XPOT: variants seen among roughly 807,000 people sequenced by gnomAD.
XPOT encodes exportin-T.
A neutral mutation model predicts 128.2 loss-of-function variants in XPOT; 34 were observed. The ratio of observed to expected loss-of-function variants is 0.27; its 90% CI spans 0.20 to 0.35. The LOEUF (loss-of-function observed/expected upper bound fraction) is 0.35, where lower values mean the gene tolerates loss of function less well. Ranked by LOEUF, XPOT falls within the 10% of genes least tolerant of loss-of-function variation. The pLI is 1.00. For synonymous variants in XPOT, 348 were observed against 394.3 expected, an observed-to-expected ratio of 0.88 and a Z score of 1.39; for missense variants, 838 against 1,125.3, an observed-to-expected ratio of 0.74 and a Z score of 3.65.
chr12:64,432,792 T>C (rs1036055322), intron 18 of XPOT, among the ~76,000 whole-genome samples: 6 of 152,226 alleles, frequency 3.9e-5, no homozygotes, highest in African/African-American at 9.6e-5. Flanking sequence ...AAGAGTTTAA[T>C]CATATAATTC....
In XPOT at chr12:64,404,409, TGGCGCCGGCGCCCGCCCGCGC is replaced by T. The variant is rs960665182; in HGVS notation, c.-466_-446del. The T allele has an allele frequency of 2.0e-5, 3 of 151,870 alleles. No individual in the cohort carries two copies. The highest frequency in any genetic ancestry group is 7.3e-5 in the African/African-American group (3 of 41,236). 9.4% of individuals were successfully genotyped at this position (151,870 alleles called of 1,614,324 possible). On this transcript the variant is annotated 5_prime_UTR_variant, in exon 1 of 25. Transcript: ENST00000332707. The stretch of plus-strand genomic sequence containing the variant: ...CCGCCCGCACTCTCCAAGAGACTGC[TGGCGCCGGCGCCCGCCCGCGC>T]GGCACCGACGCGGGGAGCGCGCTTC...
At chr12:64,431,957 A>G (rs1244368176) in intron 18 of XPOT, 134 bp downstream of exon 18, 1 of 868,798 alleles carries the variant, frequency 1.2e-6, no homozygotes, top group African/African-American at 1.7e-5. Flanking sequence ...CATGGATCAT[A>G]TGTATTTTTA....
At position 64,420,230 on chromosome 12, in the gene XPOT, A is replaced by T; in HGVS notation, c.650A>T (p.Asp217Val). ...EVVGAYVSWI[D>V]LSLIANDRFI... ...GTTGGGGCTTATGTCTCTTGGATAGACTTATCCCTTATAGCCAATGATAGG... is the reference window on the plus strand; with the variant it reads ...GTTGGGGCTTATGTCTCTTGGATAGTCTTATCCCTTATAGCCAATGATAGG... The change falls in exon 7 of 25, where the codon GAC becomes GTC. Residue 217 changes from aspartate (D) to valine (V), a missense_variant. By Grantham distance (152) the Asp-to-Val change is radical. This residue lies in a region of XPOT where 761 missense variants were observed against 988.3 expected (regional missense o/e 0.77). Transcript: ENST00000332707. The T allele has an allele frequency of 6.2e-7, 1 of 1,603,138 alleles. No individual in the cohort carries two copies. Among genetic ancestry groups the T allele is most frequent in the African/African-American group, 1.3e-5 (1 of 74,398 alleles).
intron 9 of XPOT, among the ~76,000 whole-genome samples, chr12:64,422,227 G>A (rs910340758): frequency 1.3e-5 from 2 of 152,180 alleles, no homozygotes; most frequent in African/African-American, 4.8e-5. Flanking sequence ...TATGATATTA[G>A]ATGAAAGCCA....
At position 64,418,118 on chromosome 12, in the gene XPOT, A is replaced by T; in HGVS notation, c.270+3A>T. The stretch of plus-strand genomic sequence containing the variant: ...TCATATCATGGCTGCAAGCTCAGGT[A>T]AAATCATAATTTCATTCAGTACCTC... On this transcript the variant is annotated splice_donor_region_variant and intron_variant, in intron 5 of 24. Transcript: ENST00000332707. 6.2e-7 allele frequency: 1 copy of T among 1,612,114 alleles called. No homozygotes were observed. Among genetic ancestry groups the T allele is most frequent in the Non-Finnish European group, 8.5e-7 (1 of 1,178,936 alleles).
At chr12:64,411,099 G>T (rs2040034883) in intron 2 of XPOT, among the ~76,000 whole-genome samples, 1 of 152,152 alleles carries the variant, frequency 6.6e-6, no homozygotes, top group Non-Finnish European at 1.5e-5. Context: ...GAGCCCTTCA[G>T]ATACAGGAAA....
chr12:64,444,223 G>A (rs2040349981), intron 23 of XPOT, among the ~76,000 whole-genome samples: 1 of 152,140 alleles, frequency 6.6e-6, no homozygotes, highest in African/African-American at 2.4e-5. Context: ...CCGTAGCAAT[G>A]TAGTTTTTGT....
At chr12:64,438,592 A>G (rs1186095744) in intron 22 of XPOT, among the ~76,000 whole-genome samples, 1 of 152,018 alleles carries the variant, frequency 6.6e-6, no homozygotes, top group African/African-American at 2.4e-5. Context: ...TCCAGGTGGT[A>G]GTGCAAGGAA....
intron 1 of XPOT, chr12:64,405,159 G>C (rs1299297835): frequency 6.6e-6 from 1 of 152,386 alleles, no homozygotes; most frequent in Non-Finnish European, 1.5e-5. Context: ...AGTCATCGTT[G>C]TAGCGTTATC....
chr12:64,420,538 A>G lies in XPOT; in HGVS notation c.843+17A>G, dbSNP rs2136019189. On this transcript the variant is annotated intron_variant, in intron 8 of 24. Coordinates refer to ENST00000332707, the MANE Select transcript of XPOT (RefSeq NM_007235.6). ...ATTGACCAGGTTGGTAAATTTATATAAAACATTGTATGTAAAGTTGTTAGA... is the reference window on the plus strand; with the variant it reads ...ATTGACCAGGTTGGTAAATTTATATGAAACATTGTATGTAAAGTTGTTAGA... 1.3e-6 allele frequency: 2 copies of G among 1,592,100 alleles called. No homozygotes were observed. The highest frequency in any genetic ancestry group is 1.8e-5 in the Admixed American group (1 of 56,508).
At chr12:64,423,310 C>A in intron 11 of XPOT, 66 bp downstream of exon 11, 2 of 1,112,932 alleles carry the variant, frequency 1.8e-6, no homozygotes, top group South Asian at 3.2e-5. Context: ...ATTAATATTT[C>A]AAGTTCTTAT....
At chr12:64,443,919 A>G (rs1002691495) in intron 23 of XPOT, among the ~76,000 whole-genome samples, 21 of 152,262 alleles carry the variant, frequency 1.4e-4, no homozygotes, top group African/African-American at 4.6e-4. Context: ...TTATCATTTG[A>G]TATGTAAATA....
At chr12:64,417,989 T>C in intron 4 of XPOT, 57 bp from the exon 5 acceptor site, 1 of 1,413,466 alleles carries the variant, frequency 7.1e-7, no homozygotes, top group Non-Finnish European at 9.7e-7. Flanking sequence ...CTGTTATTTT[T>C]TACAACCATA....
rs2040408554 is a variant in XPOT, at chr12:64,451,016, A to C, written c.*2885A>C. 1 of 152,256 alleles carries C rather than the reference A, an allele frequency of 6.6e-6. No individual in the cohort carries two copies. The highest frequency in any genetic ancestry group is 2.1e-4 in the South Asian group (1 of 4,838). The allele number at this position is 152,256 out of a possible 1,614,324, so 9.4% of individuals were successfully genotyped here. On this transcript the variant is annotated 3_prime_UTR_variant, in exon 25 of 25. Transcript: ENST00000332707. ...TCTTCGCTCTTGTCATTAGATATCA[A>C]AGAACTGAAATTAGTTGGAATTGTA...
chr12:64,432,222 T>G (rs2040245300), intron 18 of XPOT, among the ~76,000 whole-genome samples: 1 of 152,136 alleles, frequency 6.6e-6, no homozygotes, highest in African/African-American at 2.4e-5. Context: ...TGGTTAATAC[T>G]TACATAGTAC....
chr12:64,439,636 G>A (rs2040309423), intron 23 of XPOT, among the ~76,000 whole-genome samples: 3 of 152,078 alleles, frequency 2.0e-5, no homozygotes, highest in Admixed American at 2.0e-4. Flanking sequence ...ACATTCTAAA[G>A]GAGCCTAATA....
chr12:64,443,813 CAT>C lies in XPOT; in HGVS notation c.2806-1261_2806-1260del, dbSNP rs554811672. Among the ~76,000 whole-genome samples, 315 of 152,234 alleles carry C rather than the reference CAT, an allele frequency of 2.1e-3. 3 individuals are homozygous for C. Among genetic ancestry groups the C allele is most frequent in the African/African-American group, 5.4e-3 (225 of 41,544 alleles). ...GTTTTTTTCAAAAATAAAGATTTCA[CAT>C]GAGTTTAAAAAATGAATTTAACTCA... On this transcript the variant is annotated intron_variant, in intron 23 of 24. Coordinates refer to ENST00000332707, the MANE Select transcript of XPOT (RefSeq NM_007235.6).
rs2040020772 is a variant in XPOT, at chr12:64,409,812, C to T, written c.-74-150C>T. 5.8e-6 allele frequency: 3 copies of T among 519,590 alleles called. No individual in the cohort carries two copies. The South Asian group carries it at 8.3e-5, about 14-fold the overall frequency. 32.2% of individuals were successfully genotyped at this position (519,590 alleles called of 1,614,324 possible). On this transcript the variant is annotated intron_variant, in intron 1 of 24. Coordinates refer to ENST00000332707, the MANE Select transcript of XPOT (RefSeq NM_007235.6). ...AGCCCATTTTTCTGAGAATTAGGCTCTAACTTTTAGTTGTAATTTAGATAA... is the reference window on the plus strand; with the variant it reads ...AGCCCATTTTTCTGAGAATTAGGCTTTAACTTTTAGTTGTAATTTAGATAA...
At chr12:64,430,852 C>T (rs1314113757) in intron 17 of XPOT, among the ~76,000 whole-genome samples, 1 of 152,172 alleles carries the variant, frequency 6.6e-6, no homozygotes, top group East Asian at 1.9e-4. Context: ...GGGTGGTTTG[C>T]AGGTTACCTA....
Sources: allele counts gnomAD v4.1 joint callset (sites outside exome capture counted in the v4.1 genomes callset), GRCh38; gene constraint gnomAD v4.1.1; regional missense constraint gnomAD v4.1.1; transcripts MANE v1.5; gene names NCBI Gene and HGNC (gene_info 2026-07-23, HGNC 2026-07-21).